The following PTPRD variants were observed in gnomAD, a reference collection of about 807,000 sequenced individuals.
The protein encoded by PTPRD is receptor-type tyrosine-protein phosphatase delta.
In PTPRD, 34 loss-of-function variants were observed where a neutral mutation model predicts 214.5. The ratio of observed to expected loss-of-function variants is 0.16; its 90% CI spans 0.12 to 0.21. The LOEUF is 0.21. Ranked by LOEUF, PTPRD falls within the 10% of genes least tolerant of loss-of-function variation. The pLI is 1.00. For missense variants in PTPRD, 2,545 were observed against 2,398.7 expected (o/e 1.06, Z -1.27); for synonymous variants, 1,128 against 845.7 (o/e 1.33, Z -5.79).
At chr9:9,695,331 G>T (rs2097353130) in intron 7 of PTPRD, among the ~76,000 whole-genome samples, 1 of 152,112 alleles carries the variant, frequency 6.6e-6, no homozygotes. Flanking sequence ...ATAAGACAAA[G>T]TTCTCTTCAC....
chr9:9,294,259 TA>T (rs2134267642), intron 9 of PTPRD, among the ~76,000 whole-genome samples: 1 of 151,822 alleles, frequency 6.6e-6, no homozygotes, highest in South Asian at 2.1e-4. Flanking sequence ...CAGAGATAAC[TA>T]AAACCATGGA....
chr9:8,896,929 G>C (rs918814860), intron 11 of PTPRD, among the ~76,000 whole-genome samples: 1 of 152,136 alleles, frequency 6.6e-6, no homozygotes, highest in Non-Finnish European at 1.5e-5. Flanking sequence ...TCAAGAAAGA[G>C]AACTGTAGAT....
intron 3 of PTPRD, among the ~76,000 whole-genome samples, chr9:10,288,010 T>C (rs2095415594): frequency 6.6e-6 from 1 of 152,094 alleles, no homozygotes; most frequent in Admixed American, 6.5e-5. Flanking sequence ...AATTCAATAA[T>C]GACTAGAGCA....
intron 4 of PTPRD, among the ~76,000 whole-genome samples, chr9:9,958,397 G>A (rs2094116859): frequency 6.6e-6 from 1 of 152,074 alleles, no homozygotes; most frequent in Non-Finnish European, 1.5e-5. Flanking sequence ...TGGGCGTGGT[G>A]GCACGCACCT....
intron 35 of PTPRD, among the ~76,000 whole-genome samples, chr9:8,422,128 AAG>A (rs1191903634): frequency 3.5e-5 from 5 of 144,458 alleles, no homozygotes; most frequent in Admixed American, 7.0e-5. Context: ...GCCTGGGTGA[AAG>A]AGAGAGACCC....
chr9:9,215,860 A>G (rs2099951822), intron 9 of PTPRD, among the ~76,000 whole-genome samples: 1 of 152,192 alleles, frequency 6.6e-6, no homozygotes, highest in South Asian at 2.1e-4. Flanking sequence ...TACAGTATTT[A>G]CCCTGATGGA....
At chr9:8,574,345 T>C (rs551126839) in intron 14 of PTPRD, among the ~76,000 whole-genome samples, 98 of 152,106 alleles carry the variant, frequency 6.4e-4, no homozygotes, top group African/African-American at 2.2e-3. Flanking sequence ...TCATCTACTA[T>C]TGTAGTTATT....
intron 5 of PTPRD, among the ~76,000 whole-genome samples, chr9:9,893,574 A>G (rs2074069477): frequency 6.6e-6 from 1 of 152,178 alleles, no homozygotes; most frequent in Non-Finnish European, 1.5e-5. Flanking sequence ...GTTAATAGTA[A>G]CTGAATAGCT....
intron 11 of PTPRD, among the ~76,000 whole-genome samples, chr9:8,885,639 G>A (rs1274289446): frequency 6.6e-6 from 1 of 151,642 alleles, no homozygotes; most frequent in East Asian, 1.9e-4. Context: ...TGGGATTATG[G>A]GTGCCTGCCA....
intron 14 of PTPRD, among the ~76,000 whole-genome samples, chr9:8,561,372 T>C (rs2086251263): frequency 6.6e-6 from 1 of 151,500 alleles, no homozygotes; most frequent in South Asian, 2.1e-4. Context: ...CTGTGAGCTG[T>C]TCCATTGTTC....
intron 10 of PTPRD, among the ~76,000 whole-genome samples, chr9:9,048,277 A>G (rs1417538997): frequency 6.6e-6 from 1 of 152,166 alleles, no homozygotes; most frequent in Non-Finnish European, 1.5e-5. Context: ...GAGCTAACAC[A>G]TGATCCAGCA....
At chr9:10,353,609 C>T (rs1319574812) in intron 2 of PTPRD, among the ~76,000 whole-genome samples, 1 of 151,838 alleles carries the variant, frequency 6.6e-6, no homozygotes, top group Admixed American at 6.6e-5. Flanking sequence ...AATATAGAGT[C>T]TCTTAAAGAC....
chr9:8,395,003 G>A (rs1167446819), intron 36 of PTPRD, among the ~76,000 whole-genome samples: 3 of 152,244 alleles, frequency 2.0e-5, no homozygotes, highest in Non-Finnish European at 4.4e-5. Flanking sequence ...TCCAGTGGAT[G>A]CGGCTGCACT....
chr9:10,072,275 C>T, intron 3 of PTPRD, among the ~76,000 whole-genome samples: 1 of 151,982 alleles, frequency 6.6e-6, no homozygotes, highest in Non-Finnish European at 1.5e-5. Flanking sequence ...TGAGCCATCA[C>T]TACATATCTA....
intron 11 of PTPRD, among the ~76,000 whole-genome samples, chr9:8,927,641 T>C (rs9299079): frequency 0.36 from 54,984 of 152,066 alleles, 10,014 homozygotes; most frequent in Middle Eastern, 0.42. Context: ...AAGTCTTTGC[T>C]ATTGTGAACA....
In PTPRD at chr9:9,415,035, T is replaced by C. The variant is rs187668270; in HGVS notation, c.-236-17553A>G. On this transcript the variant is annotated intron_variant, in intron 8 of 45. Transcript: ENST00000381196. The stretch of plus-strand genomic sequence containing the variant: ...TTTTAACGAGAGGACTGCATTTTCA[T>C]TGCATTTTGAACTGGACCTAATTAC... Among the ~76,000 whole-genome samples the C allele has an allele frequency of 3.3e-5, 5 of 152,322 alleles. No homozygotes were observed. The East Asian group carries it at 7.7e-4, about 23-fold the overall frequency.
intron 11 of PTPRD, among the ~76,000 whole-genome samples, chr9:8,868,478 A>G (rs1191343608): frequency 6.6e-6 from 1 of 152,186 alleles, no homozygotes; most frequent in Non-Finnish European, 1.5e-5. Context: ...TGCTGGGATT[A>G]CAGGCATGAG....
intron 26 of PTPRD, among the ~76,000 whole-genome samples, chr9:8,494,632 A>G (rs1160313923): frequency 6.6e-6 from 1 of 152,228 alleles, no homozygotes; most frequent in Admixed American, 6.5e-5. Context: ...CAAATTTTGT[A>G]GCAAGAAATT....
intron 3 of PTPRD, among the ~76,000 whole-genome samples, chr9:10,107,909 A>G (rs535312601): frequency 6.6e-6 from 1 of 152,238 alleles, no homozygotes; most frequent in Non-Finnish European, 1.5e-5. Context: ...ATTATACTTT[A>G]TATCTGGCAT....
Sources: gnomAD v4.1 joint callset for allele counts (sites outside exome capture counted in the v4.1 genomes callset) on GRCh38, gnomAD v4.1.1 for gene constraint, MANE v1.5 for transcripts, NCBI Gene and HGNC (gene_info 2026-07-23, HGNC 2026-07-21) for gene names.